Variants in LMLN observed in about 807,000 individuals in gnomAD.
LMLN encodes leishmanolysin like peptidase, also known as leishmanolysin-like peptidase.
Under a neutral mutation model 92.3 loss-of-function variants are expected in LMLN, and 70 were observed. That is an observed-to-expected ratio of 0.76 (90% confidence interval 0.63 to 0.92). The LOEUF (loss-of-function observed/expected upper bound fraction) is 0.92. Among genes scored for constraint, LMLN ranks in the 40% least tolerant of loss-of-function variants. The pLI, the probability that LMLN is intolerant of heterozygous loss-of-function variation, is 0.00. For synonymous variants in LMLN, 308 were observed against 296.2 expected (o/e 1.04, Z -0.41); for missense variants, 691 against 814.6 (o/e 0.85, Z 1.85).
At chr3:198,029,835 T>A (rs905691426) in intron 14 of LMLN, among the ~76,000 whole-genome samples, 2 of 152,072 alleles carry the variant, frequency 1.3e-5, no homozygotes, top group Admixed American at 6.5e-5. Flanking sequence ...TTTCTTATTT[T>A]TTTTTATTAT....
In LMLN at chr3:198,025,343, C is replaced by A. The variant is rs1230321933; in HGVS notation, c.1656+555C>A. The stretch of plus-strand genomic sequence containing the variant: ...GTTTTTTCCTTTGTAATTAGAAATC[C>A]AAAAAGGGCAAACTACAATTTTTTT... On this transcript the variant is annotated intron_variant, in intron 14 of 15. Transcript: ENST00000330198. The surrounding 1 kb of genome is among the most constrained non-coding windows in gnomAD (Gnocchi z 4.3). 6.6e-6 allele frequency among the ~76,000 whole-genome samples: 1 copy of A among 152,040 alleles called. No individual in the cohort carries two copies. Among genetic ancestry groups the A allele is most frequent in the Non-Finnish European group, 1.5e-5 (1 of 67,984 alleles).
At chr3:197,970,005 A>G (rs893668863) in intron 1 of LMLN, among the ~76,000 whole-genome samples, 5 of 151,892 alleles carry the variant, frequency 3.3e-5, no homozygotes, top group Non-Finnish European at 7.4e-5. Flanking sequence ...TACAAAAATT[A>G]GCTGGGCATG....
chr3:198,034,819 C>T (rs1169943822), intron 14 of LMLN, among the ~76,000 whole-genome samples: 1 of 152,122 alleles, frequency 6.6e-6, no homozygotes, highest in East Asian at 1.9e-4. Flanking sequence ...GAATGAAGAA[C>T]TTGTGCTGTG....
At chr3:198,017,087 A>C (rs1276469356) in intron 11 of LMLN, among the ~76,000 whole-genome samples, 1 of 151,904 alleles carries the variant, frequency 6.6e-6, no homozygotes, top group Admixed American at 6.6e-5. Context: ...GTGCCACTGC[A>C]CTCCAGCCTG....
intron 6 of LMLN, 34 bp downstream of exon 6, chr3:197,980,538 C>G: frequency 6.3e-7 from 1 of 1,583,754 alleles, no homozygotes; most frequent in Non-Finnish European, 8.6e-7. Flanking sequence ...TTTCCAAGAT[C>G]TAATGTGGGA....
At chr3:197,979,922 GA>G (rs1721509447) in intron 5 of LMLN, among the ~76,000 whole-genome samples, 3 of 151,982 alleles carry the variant, frequency 2.0e-5, no homozygotes, top group East Asian at 1.9e-4. Flanking sequence ...CATTAGGTAA[GA>G]TTTTTTTTAC....
intron 8 of LMLN, among the ~76,000 whole-genome samples, chr3:197,988,154 A>G (rs1581147135): frequency 6.7e-6 from 1 of 149,946 alleles, no homozygotes; most frequent in African/African-American, 2.4e-5. Flanking sequence ...AAATTCATCT[A>G]TCTTTTTTTT....
chr3:197,978,090 GCA>G (rs1346478434), intron 5 of LMLN, among the ~76,000 whole-genome samples: 11 of 150,738 alleles, frequency 7.3e-5, no homozygotes, highest in African/African-American at 2.2e-4. Flanking sequence ...CAATCTGGAA[GCA>G]CACACACGTT....
At chr3:198,032,985 T>C (rs1270413628) in intron 14 of LMLN, among the ~76,000 whole-genome samples, 1 of 152,220 alleles carries the variant, frequency 6.6e-6, no homozygotes, top group East Asian at 1.9e-4. Context: ...AGCCCTCTTG[T>C]GTTCTGCAGA....
At chr3:198,028,609 TATC>T (rs926998889) in intron 14 of LMLN, among the ~76,000 whole-genome samples, 1 of 152,222 alleles carries the variant, frequency 6.6e-6, no homozygotes, top group Non-Finnish European at 1.5e-5. Flanking sequence ...TCATGGACCT[TATC>T]ATATCACCTT....
intron 11 of LMLN, among the ~76,000 whole-genome samples, chr3:198,016,709 C>T (rs1367946417): frequency 1.3e-5 from 2 of 152,178 alleles, no homozygotes; most frequent in Non-Finnish European, 1.5e-5. Flanking sequence ...CCAATTATAA[C>T]ATCACCTAAG....
At chr3:198,027,336 A>G (rs1280253056) in intron 14 of LMLN, among the ~76,000 whole-genome samples, 1 of 152,166 alleles carries the variant, frequency 6.6e-6, no homozygotes, top group East Asian at 1.9e-4. Flanking sequence ...GAAAGGAGAA[A>G]GGGAGGGATC....
chr3:198,000,183 C>T (rs372871042), intron 11 of LMLN, among the ~76,000 whole-genome samples: 6 of 151,228 alleles, frequency 4.0e-5, no homozygotes, highest in African/African-American at 1.2e-4. Flanking sequence ...TGAGCCACCA[C>T]GCCTGGCAGA....
At chr3:197,978,273 C>A (rs1200966654) in intron 5 of LMLN, among the ~76,000 whole-genome samples, 2 of 152,174 alleles carry the variant, frequency 1.3e-5, no homozygotes, top group South Asian at 4.1e-4. Flanking sequence ...GCTTTTCTTT[C>A]ATAAGTTATG....
At chr3:198,002,864 G>C (rs1011423079) in intron 11 of LMLN, 151 bp from the exon 12 acceptor site, 2 of 536,124 alleles carry the variant, frequency 3.7e-6, no homozygotes, top group African/African-American at 3.8e-5. Context: ...CGGCAAGAAC[G>C]TTGTGAGTGA....
At chr3:197,968,985 GT>G (rs1721147076) in intron 1 of LMLN, among the ~76,000 whole-genome samples, 2 of 152,022 alleles carry the variant, frequency 1.3e-5, no homozygotes, top group African/African-American at 4.8e-5. Context: ...TGGACATGAA[GT>G]TTTTCATAAC....
At chr3:198,037,471 G>A (rs1447942486) in intron 15 of LMLN, among the ~76,000 whole-genome samples, 3 of 152,152 alleles carry the variant, frequency 2.0e-5, no homozygotes, top group African/African-American at 7.2e-5. Context: ...CCAACATGGT[G>A]AAAACTCATC....
At chr3:197,983,794 T>C (rs1721624630) in intron 6 of LMLN, 149 bp from the exon 7 acceptor site, 1 of 532,642 alleles carries the variant, frequency 1.9e-6, no homozygotes, top group South Asian at 2.8e-5. Flanking sequence ...AGAGGATACA[T>C]GTCTTAAAAG....
intron 11 of LMLN, among the ~76,000 whole-genome samples, chr3:198,002,467 G>GA (rs2109904181): frequency 6.6e-6 from 1 of 152,370 alleles, no homozygotes; most frequent in East Asian, 1.9e-4. Flanking sequence ...GCTGGGCACA[G>GA]TGGCTCATAC....
Sources: allele counts gnomAD v4.1 joint callset (sites outside exome capture counted in the v4.1 genomes callset), GRCh38; gene constraint gnomAD v4.1.1; non-coding constraint Gnocchi (gnomAD v3.1); transcripts MANE v1.5; gene names NCBI Gene and HGNC (gene_info 2026-07-23, HGNC 2026-07-21).